PTPRN2: variants seen among roughly 807,000 people sequenced by gnomAD.
The protein encoded by PTPRN2 is receptor-type tyrosine-protein phosphatase N2.
Under a neutral mutation model 118.8 loss-of-function variants are expected in PTPRN2, and 74 were observed. The observed-to-expected ratio is 0.62, with a 90% CI of 0.52 to 0.76. The LOEUF (loss-of-function observed/expected upper bound fraction) is 0.76, where lower values mean the gene tolerates loss of function less well. Ranked by LOEUF, PTPRN2 falls within the 30% of genes least tolerant of loss-of-function variation. The pLI is 0.00. For synonymous variants in PTPRN2, 641 were observed against 608.0 expected (o/e 1.05, Z -0.80); for missense variants, 1,481 against 1,394.4 (o/e 1.06, Z -0.99).
intron 3 of PTPRN2, among the ~76,000 whole-genome samples, chr7:158,240,897 G>C (rs1795869652): frequency 6.6e-6 from 1 of 152,262 alleles, no homozygotes; most frequent in Admixed American, 6.5e-5. Flanking sequence ...TTTGTGGACA[G>C]GAAGTGGAAG....
intron 11 of PTPRN2, among the ~76,000 whole-genome samples, chr7:157,943,087 C>T (rs1181218491): frequency 1.3e-5 from 2 of 152,200 alleles, no homozygotes; most frequent in Non-Finnish European, 2.9e-5. Flanking sequence ...CCCAGGAAGC[C>T]TTTGCATTCA....
Position 157,929,371 on chromosome 7 carries a change from G to T in PTPRN2, c.1724-30634C>A, listed in dbSNP as rs1799229213. ...AGACACAAATGTCAACTCCTCTGTG[G>T]GTTCCTGCAGCACCGGGAGACCCTG... On this transcript the variant is annotated intron_variant, in intron 11 of 22. Transcript: ENST00000389418. The surrounding 1 kb of genome is among the most constrained non-coding windows in gnomAD (Gnocchi z 4.4). Among the ~76,000 whole-genome samples, 1 of 151,890 alleles carries T rather than the reference G, an allele frequency of 6.6e-6. No individual in the cohort carries two copies. The highest frequency in any genetic ancestry group is 2.4e-5 in the African/African-American group (1 of 41,378).
intron 9 of PTPRN2, among the ~76,000 whole-genome samples, chr7:158,123,555 G>A (rs935624793): frequency 5.3e-5 from 8 of 152,136 alleles, no homozygotes; most frequent in Admixed American, 5.2e-4. Context: ...CCGCCATGCA[G>A]CCCCGGAGCT....
chr7:158,519,790 A>G (rs1823848186), intron 1 of PTPRN2, among the ~76,000 whole-genome samples: 1 of 152,270 alleles, frequency 6.6e-6, no homozygotes, highest in African/African-American at 2.4e-5. Flanking sequence ...CAGAAAGAAG[A>G]AAAAGGGAAG....
At chr7:157,919,101 C>T (rs1042604531) in intron 11 of PTPRN2, among the ~76,000 whole-genome samples, 19 of 152,068 alleles carry the variant, frequency 1.2e-4, no homozygotes, top group African/African-American at 4.3e-4. Flanking sequence ...ACAGCGGGCC[C>T]GAGAACATGA....
At chr7:157,837,685 A>G (rs1422885919) in intron 12 of PTPRN2, among the ~76,000 whole-genome samples, 5 of 152,142 alleles carry the variant, frequency 3.3e-5, no homozygotes, top group Non-Finnish European at 7.4e-5. Flanking sequence ...GGCAGGGCTC[A>G]CATCCTCCAT....
intron 2 of PTPRN2, among the ~76,000 whole-genome samples, chr7:158,478,140 G>A (rs896783): frequency 0.16 from 24,293 of 152,250 alleles, 2,019 homozygotes; most frequent in South Asian, 0.24. Context: ...AGTGGGCTGA[G>A]TGGGTCATCA....
chr7:157,714,993 A>G (rs1308037278), intron 12 of PTPRN2, among the ~76,000 whole-genome samples: 4 of 152,172 alleles, frequency 2.6e-5, no homozygotes, highest in Non-Finnish European at 4.4e-5. Context: ...GCCCAGCCCC[A>G]TGTGCTTTTC....
chr7:157,979,871 C>T (rs565522201), intron 11 of PTPRN2, among the ~76,000 whole-genome samples: 3 of 152,210 alleles, frequency 2.0e-5, no homozygotes, highest in Non-Finnish European at 2.9e-5. Context: ...GCCAACCATA[C>T]CCTCATGTGA....
chr7:157,999,649 A>G (rs1430813898), intron 11 of PTPRN2, among the ~76,000 whole-genome samples: 3 of 152,112 alleles, frequency 2.0e-5, no homozygotes, highest in African/African-American at 4.8e-5. Flanking sequence ...ACCAGGGGGA[A>G]GAGGTGCTGT....
Position 158,310,118 on chromosome 7 carries a change from A to G in PTPRN2, c.277+6701T>C, listed in dbSNP as rs142427532. Reference sequence around the variant, plus strand: ...CACGCCATGTGATTTTTGTGACAGCAACTCGAACAAGAGAAAAATTGGCAC... The same window carrying G: ...CACGCCATGTGATTTTTGTGACAGCGACTCGAACAAGAGAAAAATTGGCAC... On this transcript the variant is annotated intron_variant, in intron 3 of 22. Transcript: ENST00000389418. 7.7e-3 allele frequency among the ~76,000 whole-genome samples: 1,170 copies of G among 152,310 alleles called. 22 individuals are homozygous for G. Among genetic ancestry groups the G allele is most frequent in the African/African-American group, 0.026 (1,087 of 41,578 alleles).
intron 2 of PTPRN2, among the ~76,000 whole-genome samples, chr7:158,348,686 G>A (rs533469811): frequency 2.6e-5 from 4 of 152,260 alleles, no homozygotes; most frequent in Non-Finnish European, 5.9e-5. Context: ...CCACAGGCCC[G>A]AATCCTAACC....
intron 12 of PTPRN2, among the ~76,000 whole-genome samples, chr7:157,686,564 C>A (rs553779894): frequency 7.2e-5 from 11 of 152,212 alleles, no homozygotes; most frequent in Admixed American, 2.6e-4. Context: ...ACCGACCCCC[C>A]AAGGCTGCAC....
intron 11 of PTPRN2, among the ~76,000 whole-genome samples, chr7:157,926,177 C>T (rs1177968090): frequency 1.3e-5 from 2 of 150,456 alleles, no homozygotes; most frequent in East Asian, 2.0e-4. Flanking sequence ...CACTGATAAA[C>T]CACAGCCACA....
chr7:158,097,731 G>A (rs144052339), intron 10 of PTPRN2, among the ~76,000 whole-genome samples: 37 of 152,370 alleles, frequency 2.4e-4, no homozygotes, highest in African/African-American at 8.7e-4. Context: ...CTGCCGGTCT[G>A]CTGGCATAAT....
At chr7:158,469,070 T>G (rs1733142) in intron 2 of PTPRN2, among the ~76,000 whole-genome samples, 1,675 of 138,174 alleles carry the variant, frequency 0.012, 11 homozygotes, top group Admixed American at 0.017. Flanking sequence ...CACACACTCC[T>G]GGTGGATCAA....
intron 11 of PTPRN2, among the ~76,000 whole-genome samples, chr7:157,955,640 A>G (rs1007221048): frequency 1.3e-5 from 2 of 152,178 alleles, no homozygotes. Context: ...TTCTTCAGAC[A>G]ACTCCCAACC....
chr7:158,387,577 A>AAGCACTCTCT (rs1586542379), intron 2 of PTPRN2, among the ~76,000 whole-genome samples: 1 of 151,152 alleles, frequency 6.6e-6, no homozygotes, highest in African/African-American at 2.4e-5. Context: ...CTGTCAGCTC[A>AAGCACTCTCT]GCTTGGCCCG....
intron 3 of PTPRN2, among the ~76,000 whole-genome samples, chr7:158,249,351 C>T (rs1385361063): frequency 1.4e-5 from 2 of 141,440 alleles, no homozygotes; most frequent in African/African-American, 2.7e-5. Flanking sequence ...ACACATCACA[C>T]ACATGCACAC....
Sources: allele counts gnomAD v4.1 joint callset (sites outside exome capture counted in the v4.1 genomes callset), GRCh38; gene constraint gnomAD v4.1.1; non-coding constraint Gnocchi (gnomAD v3.1); transcripts MANE v1.5; gene names NCBI Gene and HGNC (gene_info 2026-07-23, HGNC 2026-07-21).